SLC24A2: variants seen among roughly 807,000 people sequenced by gnomAD.
SLC24A2 encodes the protein sodium/potassium/calcium exchanger 2.
Under a neutral mutation model 62.0 loss-of-function variants are expected in SLC24A2, and 36 were observed. The observed-to-expected ratio is 0.58, with a 90% CI of 0.44 to 0.77. The LOEUF is 0.77. SLC24A2 is among the 30% of genes least tolerant of loss of function. SLC24A2 has a pLI of 0.00. For synonymous variants in SLC24A2, 358 were observed against 294.0 expected (o/e 1.22, Z -2.23); for missense variants, 846 against 817.9 (o/e 1.03, Z -0.42).
At chr9:19,895,402 T>C in the SLC24A2 span, among the ~76,000 whole-genome samples, 22 of 152,136 alleles carry the variant, frequency 1.4e-4, no homozygotes, top group Non-Finnish European at 2.9e-4. Context: ...CATTAGGCAC[T>C]GGGGGATATT....
intron 2 of SLC24A2, among the ~76,000 whole-genome samples, chr9:19,652,070 A>G (rs1039815511): frequency 5.9e-5 from 9 of 152,208 alleles, no homozygotes; most frequent in Non-Finnish European, 1.5e-5. Flanking sequence ...CTGCATAGAG[A>G]GGAATTTCAA....
At chr9:20,281,866 T>C in the SLC24A2 span, among the ~76,000 whole-genome samples, 1 of 152,208 alleles carries the variant, frequency 6.6e-6, no homozygotes, top group Admixed American at 6.5e-5. Context: ...TTCCAAAATA[T>C]GAACAACGTA....
At chr9:19,584,964 G>C (rs965699204) in intron 5 of SLC24A2, among the ~76,000 whole-genome samples, 3 of 152,024 alleles carry the variant, frequency 2.0e-5, no homozygotes, top group African/African-American at 7.2e-5. Context: ...ACATAATAGA[G>C]ATGATTAACG....
chr9:20,195,490 GTGTC>G, the SLC24A2 span, among the ~76,000 whole-genome samples: 8 of 152,118 alleles, frequency 5.3e-5, no homozygotes, highest in African/African-American at 1.2e-4. Context: ...CTTTTGTGAA[GTGTC>G]TGTCTAAATC....
chr9:20,275,441 T>C, the SLC24A2 span, among the ~76,000 whole-genome samples: 1 of 152,198 alleles, frequency 6.6e-6, no homozygotes, highest in African/African-American at 2.4e-5. Context: ...TCCTAAATGT[T>C]TAGGCTTTAG....
chr9:20,162,194 G>C, the SLC24A2 span, among the ~76,000 whole-genome samples: 1 of 151,578 alleles, frequency 6.6e-6, no homozygotes, highest in South Asian at 2.1e-4. Flanking sequence ...TTTGAGGCCA[G>C]TTTCACAGCT....
the SLC24A2 span, among the ~76,000 whole-genome samples, chr9:20,096,238 C>T: frequency 1.3e-5 from 2 of 152,056 alleles, no homozygotes; most frequent in African/African-American, 4.8e-5. Flanking sequence ...AGTATGCAAC[C>T]TTGTATCATA....
At chr9:20,233,363 G>A in the SLC24A2 span, among the ~76,000 whole-genome samples, 1 of 152,126 alleles carries the variant, frequency 6.6e-6, no homozygotes, top group Non-Finnish European at 1.5e-5. Flanking sequence ...GGGAGTCTAA[G>A]TCTCTTTGTA....
the SLC24A2 span, among the ~76,000 whole-genome samples, chr9:20,025,170 T>C: frequency 6.6e-6 from 1 of 152,234 alleles, no homozygotes; most frequent in East Asian, 1.9e-4. Flanking sequence ...TTAATGCTTG[T>C]CATGACTCAC....
the SLC24A2 span, among the ~76,000 whole-genome samples, chr9:19,820,044 T>C: frequency 0.035 from 1,354 of 38,378 alleles, 43 homozygotes; most frequent in Non-Finnish European, 0.054. Context: ...TATATATACA[T>C]ATATATATAT....
At chr9:20,029,638 G>A in the SLC24A2 span, among the ~76,000 whole-genome samples, 6 of 152,298 alleles carry the variant, frequency 3.9e-5, no homozygotes, top group East Asian at 1.9e-4. Flanking sequence ...GGCAGTTTTT[G>A]AGATACTACA....
At chr9:19,609,099 C>G (rs571969492) in intron 4 of SLC24A2, among the ~76,000 whole-genome samples, 49 of 152,364 alleles carry the variant, frequency 3.2e-4, no homozygotes, top group Admixed American at 2.4e-3. Context: ...GTCTGGCAAG[C>G]CTTGCTTGCC....
the SLC24A2 span, among the ~76,000 whole-genome samples, chr9:20,256,869 G>A: frequency 1.3e-5 from 2 of 151,526 alleles, no homozygotes; most frequent in Non-Finnish European, 2.9e-5. Context: ...GTCCCCAAGG[G>A]TAGAAAGAAA....
the SLC24A2 span, among the ~76,000 whole-genome samples, chr9:20,261,827 C>A: frequency 7.2e-6 from 1 of 139,540 alleles, no homozygotes; most frequent in Non-Finnish European, 1.5e-5. Context: ...GCAAGCTCTG[C>A]CTCCCAGATT....
the SLC24A2 span, among the ~76,000 whole-genome samples, chr9:20,133,899 G>A: frequency 9.8e-5 from 15 of 152,288 alleles, no homozygotes; most frequent in Middle Eastern, 3.4e-3. Context: ...TATGAATTCA[G>A]TTTAACTTAA....
chr9:19,735,989 CA>C (rs1821499123), intron 2 of SLC24A2, among the ~76,000 whole-genome samples: 1 of 151,430 alleles, frequency 6.6e-6, no homozygotes. Context: ...ACATGTACCC[CA>C]AAACTTAAAG....
chr9:20,008,770 T>G, the SLC24A2 span, among the ~76,000 whole-genome samples: 1 of 152,158 alleles, frequency 6.6e-6, no homozygotes, highest in African/African-American at 2.4e-5. Context: ...TTCTCCCACT[T>G]ACTCCACTTC....
At chr9:20,048,099 C>T in the SLC24A2 span, among the ~76,000 whole-genome samples, 1 of 152,106 alleles carries the variant, frequency 6.6e-6, no homozygotes, top group Admixed American at 6.6e-5. Flanking sequence ...TTAATAACAG[C>T]TACCACTTAT....
the SLC24A2 span, among the ~76,000 whole-genome samples, chr9:20,061,751 G>T: frequency 1.3e-5 from 2 of 152,100 alleles, no homozygotes; most frequent in East Asian, 3.9e-4. Context: ...AAATACAGGA[G>T]AAGATTTGTA....
Sources: gnomAD v4.1 joint callset for allele counts (sites outside exome capture counted in the v4.1 genomes callset) on GRCh38, gnomAD v4.1.1 for gene constraint, MANE v1.5 for transcripts, NCBI Gene and HGNC (gene_info 2026-07-23, HGNC 2026-07-21) for gene names.